Variants in DCTN2 observed in about 807,000 individuals in gnomAD.
DCTN2 encodes the protein dynactin subunit 2.
A neutral mutation model predicts 55.4 loss-of-function variants in DCTN2; 18 were observed. That is an observed-to-expected ratio of 0.32 (90% CI 0.22 to 0.48). DCTN2 has a LOEUF of 0.48. DCTN2 is among the 20% of genes least tolerant of loss of function. The pLI is 0.99. For missense variants in DCTN2, 390 were observed against 491.0 expected (o/e 0.79, Z 1.94); for synonymous variants, 168 against 185.2 (o/e 0.91, Z 0.76).
chr12:57,530,851 TGAGA>T (rs747905457), intron 13 of DCTN2, 76 bp from the exon 14 acceptor site: 41 of 1,258,790 alleles, frequency 3.3e-5, no homozygotes, highest in South Asian at 4.9e-5. Flanking sequence ...AGGAATTCTC[TGAGA>T]GAGAAGACAA....
rs1240228276 is a variant in DCTN2 at position 57,533,249 on chromosome 12, G to C, written c.724C>G (p.Gln242Glu). Reference sequence around the variant, plus strand: ...GGAGAACACCTGACCTGAGCATCCTGATCACAACGTACAGCTGTCTCCAGC... The same window carrying C: ...GGAGAACACCTGACCTGAGCATCCTCATCACAACGTACAGCTGTCTCCAGC... ...TELETAVRCD[Q>E]DAQNPLSAGL... The change falls in exon 8 of 14, where the codon CAG becomes GAG. Residue 242 changes from glutamine to glutamate, a missense_variant. Coordinates refer to ENST00000548249, the MANE Select transcript of DCTN2 (RefSeq NM_001261413.2). 1 of 1,613,966 alleles carries C rather than the reference G, an allele frequency of 6.2e-7. No individual in the cohort carries two copies. The highest frequency in any genetic ancestry group is 8.5e-7 in the Non-Finnish European group (1 of 1,179,870).
At chr12:57,535,361 G>A in intron 4 of DCTN2, 123 bp downstream of exon 4, 1 of 1,310,574 alleles carries the variant, frequency 7.6e-7, no homozygotes, top group Non-Finnish European at 1.1e-6. Context: ...GCTGCATCCT[G>A]CTGCTTCCTC....
intron 2 of DCTN2, among the ~76,000 whole-genome samples, chr12:57,545,534 A>G (rs1881080534): frequency 6.6e-6 from 1 of 152,238 alleles, no homozygotes; most frequent in Non-Finnish European, 1.5e-5. Flanking sequence ...CGCTGATGTG[A>G]AATATTTACA....
chr12:57,545,981 G>C, intron 2 of DCTN2, 47 bp downstream of exon 2: 2 of 1,586,996 alleles, frequency 1.3e-6, no homozygotes, highest in Non-Finnish European at 1.7e-6. Context: ...CTGTCTAGGG[G>C]AGAAAGGTCA....
At chr12:57,544,220 C>A in intron 2 of DCTN2, 1 of 393,566 alleles carries the variant, frequency 2.5e-6, no homozygotes, top group South Asian at 1.8e-5. Flanking sequence ...GTTCCAGGAC[C>A]TCCCTTGATA....
At chr12:57,539,613 T>C (rs1484768068) in intron 2 of DCTN2, among the ~76,000 whole-genome samples, 1 of 152,146 alleles carries the variant, frequency 6.6e-6, no homozygotes, top group Non-Finnish European at 1.5e-5. Flanking sequence ...AGGATGGTTG[T>C]ATGCATATGA....
At chr12:57,534,486 C>A in intron 5 of DCTN2, 34 bp from the exon 6 acceptor site, 1 of 1,556,736 alleles carries the variant, frequency 6.4e-7, no homozygotes. Context: ...CGGGGGATGG[C>A]AAGAATGAAT....
intron 2 of DCTN2, chr12:57,538,135 C>T (rs1170741457): frequency 2.0e-5 from 7 of 341,718 alleles, no homozygotes; most frequent in Admixed American, 1.6e-4. Context: ...GTAGGGAAAG[C>T]GGGGAGTAGA....
chr12:57,534,014 C>T lies in DCTN2; in HGVS notation c.608G>A (p.Ser203Asn). The T allele has an allele frequency of 6.2e-7, 1 of 1,613,672 alleles. No homozygotes were observed. Residue 203 changes from serine (S) to asparagine (N), a missense_variant, in exon 7 of 14, where the codon AGC becomes AAC. By Grantham distance (46) the Ser-to-Asn change is conservative. Transcript: ENST00000548249. ...AGAATGTAGTTCATAAGTGACAAGG[C>T]TGCTATCTGGGGGGGTCCCAGTGGT... Reference protein sequence around the residue: ...GKTTGTPPDSSLVTYELHSRP... With the variant: ...GKTTGTPPDSNLVTYELHSRP...
chr12:57,538,303 A>C (rs1392035384), intron 2 of DCTN2: 2 of 630,264 alleles, frequency 3.2e-6, no homozygotes, highest in Admixed American at 2.1e-5. Flanking sequence ...CCGGGAGCAC[A>C]CTCTAGTCCT....
chr12:57,538,638 T>C, intron 2 of DCTN2: 1 of 686,044 alleles, frequency 1.5e-6, no homozygotes, highest in South Asian at 1.5e-5. Context: ...AATTGTCACA[T>C]GCACTACATG....
intron 9 of DCTN2, 22 bp downstream of exon 9, chr12:57,532,962 C>T (rs369355032): frequency 4.4e-6 from 7 of 1,600,018 alleles, no homozygotes; most frequent in South Asian, 1.1e-5. Flanking sequence ...GATCCAAACA[C>T]TCCAGTTTCT....
rs1879915666 is a variant in DCTN2 at position 57,533,313 on chromosome 12, G to C, written c.670-10C>G. 1 of 1,613,622 alleles carries C rather than the reference G, an allele frequency of 6.2e-7. No homozygotes were observed. The highest frequency in any genetic ancestry group is 8.5e-7 in the Non-Finnish European group (1 of 1,179,760). ...TTTCAAGTTCTGCGACCTAGTGGGA[G>C]GAAGGAGGTGAGATTTGCCATCTGC... On this transcript the variant is annotated splice_polypyrimidine_tract_variant and intron_variant, in intron 7 of 13. Coordinates refer to ENST00000548249, the MANE Select transcript of DCTN2 (RefSeq NM_001261413.2).
intron 2 of DCTN2, chr12:57,538,301 AC>A (rs1458471436): frequency 6.4e-6 from 4 of 628,522 alleles, no homozygotes; most frequent in African/African-American, 5.4e-5. Context: ...GCCCGGGAGC[AC>A]ACTCTAGTCC....
At chr12:57,532,350 T>C (rs1218887311) in intron 11 of DCTN2, 35 bp from the exon 12 acceptor site, 2 of 1,533,630 alleles carry the variant, frequency 1.3e-6, no homozygotes, top group South Asian at 2.4e-5. Context: ...AGGGGATGGC[T>C]GAGGCAGCCA....
intron 8 of DCTN2, 102 bp downstream of exon 8, chr12:57,533,136 G>T: frequency 6.4e-7 from 1 of 1,558,264 alleles, no homozygotes; most frequent in South Asian, 1.1e-5. Flanking sequence ...TGTAACTGAA[G>T]CCCTTTGATG....
At chr12:57,538,249 C>A in intron 2 of DCTN2, 2 of 558,544 alleles carry the variant, frequency 3.6e-6, no homozygotes, top group South Asian at 1.6e-5. Flanking sequence ...GCCAGTTGGG[C>A]TACCTGGCGC....
At chr12:57,544,540 C>T (rs775236) in intron 2 of DCTN2, among the ~76,000 whole-genome samples, 26,219 of 151,182 alleles carry the variant, frequency 0.17, 2,415 homozygotes, top group East Asian at 0.26. Context: ...TCAGCCTCCA[C>T]AGTAGCTGGG....
At chr12:57,546,175 G>A in intron 1 of DCTN2, 79 bp from the exon 2 acceptor site, 1 of 1,374,266 alleles carries the variant, frequency 7.3e-7, no homozygotes, top group Non-Finnish European at 1.0e-6. Flanking sequence ...ATTTGAATAA[G>A]CTAACAGAGA....
Sources: allele counts gnomAD v4.1 joint callset (sites outside exome capture counted in the v4.1 genomes callset), GRCh38; gene constraint gnomAD v4.1.1; transcripts MANE v1.5; gene names NCBI Gene and HGNC (gene_info 2026-07-23, HGNC 2026-07-21).